GALNT13: variants seen among roughly 807,000 people sequenced by gnomAD.
GALNT13 encodes the protein polypeptide N-acetylgalactosaminyltransferase 13, also known as UDP-GalNAc:polypeptide N-acetylgalactosaminyltransferase 13.
Under a neutral mutation model 64.2 loss-of-function variants are expected in GALNT13, and 28 were observed. The ratio of observed to expected loss-of-function variants is 0.44; its 90% CI spans 0.32 to 0.60. GALNT13 has a LOEUF of 0.60. GALNT13 is among the 20% of genes least tolerant of loss of function. The pLI is 0.05. For missense variants in GALNT13, 577 were observed against 669.8 expected, an observed-to-expected ratio of 0.86 and a Z score of 1.53; for synonymous variants, 214 against 224.6, an observed-to-expected ratio of 0.95 and a Z score of 0.42.
At chr2:153,858,091 G>T in the GALNT13 span, among the ~76,000 whole-genome samples, 1 of 152,206 alleles carries the variant, frequency 6.6e-6, no homozygotes. Context: ...AGAGATAGGT[G>T]TATCAAGGTA....
the GALNT13 span, among the ~76,000 whole-genome samples, chr2:153,258,640 T>C: frequency 6.6e-5 from 10 of 151,616 alleles, no homozygotes; most frequent in Non-Finnish European, 8.8e-5. Context: ...TCTCATAGGA[T>C]TTAATATGTT....
chr2:153,283,146 A>G, the GALNT13 span, among the ~76,000 whole-genome samples: 2 of 152,116 alleles, frequency 1.3e-5, no homozygotes. Flanking sequence ...GGGAGACAAG[A>G]AAAAGATGGG....
the GALNT13 span, among the ~76,000 whole-genome samples, chr2:153,629,760 C>T: frequency 6.7e-6 from 1 of 149,420 alleles, no homozygotes; most frequent in South Asian, 2.2e-4. Flanking sequence ...TGACAAAGGG[C>T]TAATATCCAG....
At chr2:154,022,194 G>GT (rs528030528) in intron 3 of GALNT13, among the ~76,000 whole-genome samples, 26 of 152,244 alleles carry the variant, frequency 1.7e-4, no homozygotes, top group South Asian at 8.3e-4. Context: ...CCCAGCTTTG[G>GT]TATCAGGATG....
the GALNT13 span, among the ~76,000 whole-genome samples, chr2:153,601,220 G>A: frequency 6.7e-6 from 1 of 149,810 alleles, no homozygotes; most frequent in Non-Finnish European, 1.5e-5. Flanking sequence ...CTTACTTTCT[G>A]AATTTATTTT....
chr2:154,362,881 AC>A (rs1407390048), intron 9 of GALNT13, among the ~76,000 whole-genome samples: 1 of 152,130 alleles, frequency 6.6e-6, no homozygotes, highest in Non-Finnish European at 1.5e-5. Context: ...AACCTTTCAA[AC>A]CCTTTAAAGT....
At chr2:153,559,112 G>T in the GALNT13 span, among the ~76,000 whole-genome samples, 2 of 152,106 alleles carry the variant, frequency 1.3e-5, no homozygotes, top group Non-Finnish European at 1.5e-5. Flanking sequence ...ATATACATGA[G>T]TATGGACCGC....
the GALNT13 span, among the ~76,000 whole-genome samples, chr2:153,665,875 A>C: frequency 6.6e-6 from 1 of 152,156 alleles, no homozygotes; most frequent in Non-Finnish European, 1.5e-5. Flanking sequence ...GACTCCAGGC[A>C]GTGTGGAGCC....
intron 4 of GALNT13, among the ~76,000 whole-genome samples, chr2:154,192,932 GA>G (rs1411998244): frequency 1.3e-5 from 2 of 152,158 alleles, no homozygotes; most frequent in African/African-American, 4.8e-5. Context: ...TGAAAGTTGG[GA>G]TTTGTTGAGT....
At chr2:153,991,841 G>A (rs1695178090) in intron 3 of GALNT13, among the ~76,000 whole-genome samples, 2 of 152,024 alleles carry the variant, frequency 1.3e-5, no homozygotes, top group African/African-American at 2.4e-5. Context: ...TATTATCAGT[G>A]TTACTGGGCT....
chr2:154,102,671 A>G (rs1282468967), intron 3 of GALNT13, among the ~76,000 whole-genome samples: 2 of 152,154 alleles, frequency 1.3e-5, no homozygotes, highest in Non-Finnish European at 2.9e-5. Flanking sequence ...CCAAAGAACT[A>G]TTAAAATTAA....
At chr2:154,252,267 G>A (rs2105889381) in intron 7 of GALNT13, among the ~76,000 whole-genome samples, 1 of 151,896 alleles carries the variant, frequency 6.6e-6, no homozygotes, top group Middle Eastern at 3.4e-3. Context: ...ATGAAGGGCA[G>A]TCCAAAAATT....
intron 3 of GALNT13, among the ~76,000 whole-genome samples, chr2:154,030,591 C>A (rs564891906): frequency 6.6e-6 from 1 of 151,884 alleles, no homozygotes; most frequent in South Asian, 2.1e-4. Context: ...GGTTCTGTGT[C>A]CCCACCGAAA....
chr2:153,271,401 T>C, the GALNT13 span, among the ~76,000 whole-genome samples: 7 of 152,194 alleles, frequency 4.6e-5, no homozygotes, highest in African/African-American at 1.7e-4. Context: ...CTCCTTAAGC[T>C]GATAAGCAAC....
chr2:153,645,441 T>C, the GALNT13 span, among the ~76,000 whole-genome samples: 1 of 152,146 alleles, frequency 6.6e-6, no homozygotes, highest in Non-Finnish European at 1.5e-5. Flanking sequence ...GGCACTGTCA[T>C]TTTTTCCAGT....
intron 9 of GALNT13, among the ~76,000 whole-genome samples, chr2:154,359,475 C>T (rs991586561): frequency 1.3e-5 from 2 of 152,180 alleles, no homozygotes; most frequent in East Asian, 3.9e-4. Context: ...CATTCACCTA[C>T]TGGAGGCTTC....
At chr2:153,850,390 C>T in the GALNT13 span, among the ~76,000 whole-genome samples, 1 of 152,070 alleles carries the variant, frequency 6.6e-6, no homozygotes, top group Non-Finnish European at 1.5e-5. Context: ...TTGAAGCCTA[C>T]AGGCAACTCT....
chr2:154,344,114 TAC>T (rs1695927751), intron 9 of GALNT13, among the ~76,000 whole-genome samples: 1 of 152,062 alleles, frequency 6.6e-6, no homozygotes, highest in African/African-American at 2.4e-5. Context: ...CTATGATCTT[TAC>T]AGATTCCTTA....
the GALNT13 span, among the ~76,000 whole-genome samples, chr2:153,389,472 T>C: frequency 1.2e-3 from 188 of 152,048 alleles, no homozygotes; most frequent in African/African-American, 4.2e-3. Context: ...GGGGTTAATT[T>C]CAAACAAGCA....
Sources: allele counts gnomAD v4.1 joint callset (sites outside exome capture counted in the v4.1 genomes callset), GRCh38; gene constraint gnomAD v4.1.1; transcripts MANE v1.5; gene names NCBI Gene and HGNC (gene_info 2026-07-23, HGNC 2026-07-21).